CARMIL1: variants seen among roughly 807,000 people sequenced by gnomAD.
CARMIL1 encodes capping protein regulator and myosin 1 linker 1, also known as F-actin-uncapping protein LRRC16A.
In CARMIL1, 90 loss-of-function variants were observed where a neutral mutation model predicts 177.1. The ratio of observed to expected loss-of-function variants is 0.51; its 90% confidence interval spans 0.43 to 0.61. The LOEUF is 0.61. Among genes scored for constraint, CARMIL1 ranks in the 20% least tolerant of loss-of-function variants. The probability of loss-of-function intolerance (pLI) is 0.00; values close to 1 mark genes in which losing one functional copy is unlikely to be tolerated. For missense variants in CARMIL1, 1,380 were observed against 1,667.0 expected, an observed-to-expected ratio of 0.83 and a Z score of 3.00; for synonymous variants, 577 against 606.2, an observed-to-expected ratio of 0.95 and a Z score of 0.71.
chr6:25,565,617 C>T (rs751341884), intron 29 of CARMIL1, among the ~76,000 whole-genome samples: 20 of 152,112 alleles, frequency 1.3e-4, no homozygotes, highest in African/African-American at 2.7e-4. Context: ...GAGGCCGAGG[C>T]GGGCAGATCA....
At chr6:25,588,046 CAATT>C (rs1260021944) in intron 31 of CARMIL1, among the ~76,000 whole-genome samples, 1 of 152,178 alleles carries the variant, frequency 6.6e-6, no homozygotes, top group Middle Eastern at 3.4e-3. Flanking sequence ...TACAGTATAA[CAATT>C]ATTTACGTAG....
chr6:25,392,060 G>GTT (rs1229081323), intron 2 of CARMIL1, among the ~76,000 whole-genome samples: 6 of 16,090 alleles, frequency 3.7e-4, no homozygotes, highest in Non-Finnish European at 6.2e-4. Context: ...ATGCATGTGT[G>GTT]TGTGTGTGTG....
chr6:25,479,494 A>C (rs1012257762), intron 11 of CARMIL1, among the ~76,000 whole-genome samples: 1 of 152,194 alleles, frequency 6.6e-6, no homozygotes, highest in African/African-American at 2.4e-5. Flanking sequence ...CAACGCCTGT[A>C]AGATCTTTAC....
chr6:25,329,378 C>T (rs541407298), intron 2 of CARMIL1, among the ~76,000 whole-genome samples: 2 of 152,260 alleles, frequency 1.3e-5, no homozygotes, highest in South Asian at 2.1e-4. Flanking sequence ...TCTCATTGGC[C>T]GTGATGCCCA....
chr6:25,459,943 G>A (rs1454772129), intron 8 of CARMIL1, among the ~76,000 whole-genome samples: 1 of 152,192 alleles, frequency 6.6e-6, no homozygotes, highest in African/African-American at 2.4e-5. Flanking sequence ...TTCTTAGGAT[G>A]TCAAAGCAAA....
At chr6:25,522,301 A>G (rs1806650058) in intron 23 of CARMIL1, among the ~76,000 whole-genome samples, 1 of 152,198 alleles carries the variant, frequency 6.6e-6, no homozygotes, top group African/African-American at 2.4e-5. Context: ...GGCTTTCAGG[A>G]TAAATAAAGC....
At chr6:25,416,428 G>A (rs905949161) in intron 2 of CARMIL1, among the ~76,000 whole-genome samples, 1 of 152,080 alleles carries the variant, frequency 6.6e-6, no homozygotes, top group Non-Finnish European at 1.5e-5. Context: ...ATGTGCCTCT[G>A]TTTCTTCATC....
intron 11 of CARMIL1, among the ~76,000 whole-genome samples, chr6:25,472,858 C>G (rs2150944672): frequency 6.6e-6 from 1 of 152,252 alleles, no homozygotes; most frequent in Admixed American, 6.5e-5. Context: ...GCTCAGGAGT[C>G]TGGGTACGGG....
Position 25,335,032 on chromosome 6 carries a change from T to C in CARMIL1, c.138+50123T>C, listed in dbSNP as rs1390831376. 2.6e-5 allele frequency among the ~76,000 whole-genome samples: 4 copies of C among 152,256 alleles called. No homozygotes were observed. In the East Asian group the frequency reaches 5.8e-4, roughly 22 times the overall value. On this transcript the variant is annotated intron_variant, in intron 2 of 36. Transcript: ENST00000329474. ...TTTCTATATAGGTTAAGATACTTGC[T>C]TGAGGTCATGCAAATAAGAGCTAGT...
intron 2 of CARMIL1, among the ~76,000 whole-genome samples, chr6:25,308,323 C>T (rs764678895): frequency 1.3e-5 from 2 of 151,476 alleles, no homozygotes; most frequent in Non-Finnish European, 2.9e-5. Context: ...CCTGAGAAAG[C>T]TCTTATTAAT....
intron 2 of CARMIL1, chr6:25,350,622 G>C (rs1008914891): frequency 6.6e-6 from 1 of 152,180 alleles, no homozygotes; most frequent in Non-Finnish European, 1.5e-5. Context: ...TCCTGTTTGT[G>C]TTTCTTGATA....
chr6:25,500,066 A>G, intron 16 of CARMIL1, 100 bp from the exon 17 acceptor site: 1 of 1,008,514 alleles, frequency 9.9e-7, no homozygotes. Context: ...GATTCAGAAA[A>G]GGCAGCCTTC....
intron 31 of CARMIL1, among the ~76,000 whole-genome samples, chr6:25,592,083 T>C (rs1470714623): frequency 6.6e-6 from 1 of 151,968 alleles, no homozygotes; most frequent in African/African-American, 2.4e-5. Context: ...AAAAGAGGAA[T>C]CATTGGGGGA....
At chr6:25,309,725 A>C (rs559687059) in intron 2 of CARMIL1, among the ~76,000 whole-genome samples, 2 of 146,092 alleles carry the variant, frequency 1.4e-5, no homozygotes, top group South Asian at 4.3e-4. Flanking sequence ...TTCTTCTTTT[A>C]TTATGGTTGA....
intron 15 of CARMIL1, 146 bp downstream of exon 15, chr6:25,492,170 A>G: frequency 1.5e-6 from 1 of 649,106 alleles, no homozygotes. Context: ...TTAGTCCTTG[A>G]ACATTCAAGT....
chr6:25,419,973 C>T, intron 2 of CARMIL1, 141 bp from the exon 3 acceptor site: 1 of 682,222 alleles, frequency 1.5e-6, no homozygotes, highest in Admixed American at 2.2e-5. Context: ...GCTGTCCCAG[C>T]TCGTAATTCT....
intron 24 of CARMIL1, among the ~76,000 whole-genome samples, chr6:25,535,986 G>A (rs934545709): frequency 6.6e-6 from 1 of 152,020 alleles, no homozygotes. Flanking sequence ...GACCATTTTT[G>A]TTGAGTTCAT....
Position 25,288,475 on chromosome 6 carries a change from C to G in CARMIL1, c.138+3566C>G, listed in dbSNP as rs550768917. Among the ~76,000 whole-genome samples the G allele has an allele frequency of 2.1e-5, 3 of 144,562 alleles. No individual in the cohort carries two copies. The South Asian group carries it at 6.5e-4, about 31-fold the overall frequency. 94.8% of individuals were successfully genotyped at this position (144,562 alleles called of 152,430 possible). On this transcript the variant is annotated intron_variant, in intron 2 of 36. Transcript: ENST00000329474. ...GTAACTTTGTGACAATGTTAAGAAT[C>G]AGGTTTTTTTTTTTTTTTTTTCCGT... is the stretch of plus-strand genomic sequence containing the variant.
At chr6:25,434,624 A>C (rs1178724199) in intron 4 of CARMIL1, among the ~76,000 whole-genome samples, 1 of 150,642 alleles carries the variant, frequency 6.6e-6, no homozygotes, top group East Asian at 2.0e-4. Context: ...CCTGGGTTCA[A>C]GCGAATCTCG....
Sources: gnomAD v4.1 joint callset for allele counts (sites outside exome capture counted in the v4.1 genomes callset) on GRCh38, gnomAD v4.1.1 for gene constraint, MANE v1.5 for transcripts, NCBI Gene and HGNC (gene_info 2026-07-23, HGNC 2026-07-21) for gene names.